Variants in ITPKB observed in about 807,000 individuals in gnomAD.
ITPKB encodes IP3 3-kinase B.
ITPKB carries 13 observed loss-of-function variants against 69.4 expected under a neutral mutation model. The observed-to-expected ratio is 0.19, with a 90% CI of 0.12 to 0.30. The LOEUF (loss-of-function observed/expected upper bound fraction) is 0.30, where lower values mean the gene tolerates loss of function less well. Ranked by LOEUF, ITPKB falls within the 10% of genes least tolerant of loss-of-function variation. The pLI is 1.00. For synonymous variants in ITPKB, 584 were observed against 513.7 expected (o/e 1.14, Z -1.85); for missense variants, 1,240 against 1,250.5 (o/e 0.99, Z 0.13).
At chr1:226,646,102 C>T (rs1170939114) in intron 4 of ITPKB, among the ~76,000 whole-genome samples, 1 of 152,228 alleles carries the variant, frequency 6.6e-6, no homozygotes, top group Non-Finnish European at 1.5e-5. Flanking sequence ...TCCGGTTAAA[C>T]CAGTCACAGT....
intron 2 of ITPKB, among the ~76,000 whole-genome samples, chr1:226,665,474 C>A (rs1185696818): frequency 1.3e-5 from 2 of 152,216 alleles, no homozygotes; most frequent in Non-Finnish European, 2.9e-5. Context: ...AAACACGGGA[C>A]ATGCTTGAAA....
chr1:226,638,752 C>T (rs978114082), intron 6 of ITPKB, among the ~76,000 whole-genome samples: 4 of 152,006 alleles, frequency 2.6e-5, no homozygotes, highest in Non-Finnish European at 5.9e-5. Context: ...AGCGTGACCT[C>T]GGGCACACAA....
In ITPKB at chr1:226,697,560, T is replaced by C. The variant is rs182593916; in HGVS notation, c.1932+37967A>G. On this transcript the variant is annotated intron_variant, in intron 2 of 7. Transcript: ENST00000429204. Reference sequence around the variant, plus strand: ...CGTGATTCTCCAACTCTGCAAACAATAGCTGGCCATTTCTTCTGAGGAATA... The same window carrying C: ...CGTGATTCTCCAACTCTGCAAACAACAGCTGGCCATTTCTTCTGAGGAATA... Among the ~76,000 whole-genome samples the C allele has an allele frequency of 3.3e-5, 5 of 152,268 alleles. No homozygotes were observed. In the East Asian group the frequency reaches 9.6e-4, roughly 29 times the overall value.
At chr1:226,677,995 A>C (rs1655946019) in intron 2 of ITPKB, among the ~76,000 whole-genome samples, 1 of 152,166 alleles carries the variant, frequency 6.6e-6, no homozygotes, top group South Asian at 2.1e-4. Context: ...GTGCTATATC[A>C]AGCTTGTACA....
At chr1:226,711,097 G>C (rs892477285) in intron 2 of ITPKB, among the ~76,000 whole-genome samples, 1 of 152,132 alleles carries the variant, frequency 6.6e-6, no homozygotes, top group African/African-American at 2.4e-5. Context: ...TATTAAGAAA[G>C]AATGAAAACA....
At chr1:226,728,962 T>C (rs1225541021) in intron 2 of ITPKB, among the ~76,000 whole-genome samples, 1 of 152,218 alleles carries the variant, frequency 6.6e-6, no homozygotes, top group Non-Finnish European at 1.5e-5. Flanking sequence ...ATTTCTTTTA[T>C]GGGTAGATAA....
intron 2 of ITPKB, chr1:226,708,025 G>T: frequency 2.1e-6 from 1 of 469,670 alleles, no homozygotes; most frequent in Non-Finnish European, 3.5e-6. Flanking sequence ...GTAAGATGAT[G>T]TAAATGATGT....
chr1:226,736,008 G>A lies in ITPKB; in HGVS notation c.1451C>T (p.Ala484Val). 6.2e-7 allele frequency: 1 copy of A among 1,613,876 alleles called. No individual in the cohort carries two copies. The highest frequency in any genetic ancestry group is 1.1e-5 in the South Asian group (1 of 91,090). Residue 484 changes from alanine (A) to valine (V), a missense_variant, in exon 2 of 8, where the codon GCT becomes GTT. By Grantham distance (64) the Ala-to-Val change is moderately conservative. Around this residue, in one of 2 missense-constraint regions of ITPKB, gnomAD observed 992 missense variants for 853.8 expected, o/e 1.16. Coordinates refer to ENST00000429204, the MANE Select transcript of ITPKB (RefSeq NM_002221.4). ...RMLEPLPCWD[A>V]AKDLKEPQCP... ...CTGAGGTTCTTTCAGATCTTTCGCA[G>A]CGTCCCAACAGGGCAAAGGCTCCAG...
At chr1:226,696,612 C>T (rs925868629) in intron 2 of ITPKB, among the ~76,000 whole-genome samples, 5 of 152,212 alleles carry the variant, frequency 3.3e-5, no homozygotes, top group South Asian at 2.1e-4. Flanking sequence ...TTCTCAGGGT[C>T]CCCTTGGAGA....
chr1:226,647,297 C>A lies in ITPKB; in HGVS notation c.2116G>T (p.Asp706Tyr). 6.2e-7 allele frequency: 1 copy of A among 1,614,222 alleles called. No individual in the cohort carries two copies. The part of the protein sequence containing the change: ...EQRCLDRLMV[D>Y]VLRPFVPAYH... ...GCAGGTACGAAGGGCCTCAGCACAT[C>A]CACCATCAGCCGGTCCAGGCAGCGC... The change falls in exon 4 of 8, where the codon GAT (aspartate) becomes TAT (tyrosine). Residue 706 changes from aspartate (D) to tyrosine (Y), a missense_variant. By Grantham distance (160) the Asp-to-Tyr change is radical. Transcript: ENST00000429204.
intron 2 of ITPKB, among the ~76,000 whole-genome samples, chr1:226,709,553 T>A (rs1028155345): frequency 6.6e-5 from 10 of 152,200 alleles, no homozygotes; most frequent in African/African-American, 2.4e-4. Context: ...TGGAGGGGAC[T>A]AGGGTAGAGG....
At chr1:226,661,272 G>GC (rs1289764042) in intron 2 of ITPKB, among the ~76,000 whole-genome samples, 1 of 152,184 alleles carries the variant, frequency 6.6e-6, no homozygotes, top group Middle Eastern at 3.2e-3. Flanking sequence ...CTGTTCTAGT[G>GC]CCAGTTCAAG....
At chr1:226,701,475 G>T (rs1656636346) in intron 2 of ITPKB, among the ~76,000 whole-genome samples, 1 of 150,948 alleles carries the variant, frequency 6.6e-6, no homozygotes, top group African/African-American at 2.4e-5. Flanking sequence ...GTGGTGGTGG[G>T]CGCCTGTAAT....
chr1:226,677,810 G>A (rs969256121), intron 2 of ITPKB, among the ~76,000 whole-genome samples: 15 of 152,184 alleles, frequency 9.9e-5, no homozygotes, highest in Admixed American at 4.6e-4. Context: ...ATCACAGGGC[G>A]TTCGCCTCCT....
In ITPKB at chr1:226,635,438, C is replaced by T. The variant is rs541437680; in HGVS notation, c.2626-552G>A. The stretch of plus-strand genomic sequence containing the variant: ...ACAGGGTTTCACTATGTTACCCAGG[C>T]TGGTCCCAAACTCCTAAGCTCAAGC... On this transcript the variant is annotated intron_variant, in intron 7 of 7. Coordinates refer to ENST00000429204, the MANE Select transcript of ITPKB (RefSeq NM_002221.4). 4.6e-5 allele frequency among the ~76,000 whole-genome samples: 7 copies of T among 152,288 alleles called. No homozygotes were observed. The East Asian group carries it at 7.7e-4, about 17-fold the overall frequency.
chr1:226,717,589 CT>C (rs974375931), intron 2 of ITPKB, among the ~76,000 whole-genome samples: 2 of 152,154 alleles, frequency 1.3e-5, no homozygotes, highest in Admixed American at 6.5e-5. Context: ...CTTTGTTTTT[CT>C]TTTTATTTCC....
intron 4 of ITPKB, among the ~76,000 whole-genome samples, chr1:226,645,864 C>T (rs1669053023): frequency 6.6e-6 from 1 of 152,168 alleles, no homozygotes; most frequent in South Asian, 2.1e-4. Flanking sequence ...AACAGTGGGG[C>T]CTGTGCTTCT....
At chr1:226,680,907 C>G (rs543836397) in intron 2 of ITPKB, among the ~76,000 whole-genome samples, 58 of 152,314 alleles carry the variant, frequency 3.8e-4, no homozygotes, top group African/African-American at 1.3e-3. Flanking sequence ...AACACACACA[C>G]CCTGTGACTA....
rs147738009 is a variant in ITPKB at position 226,686,229 on chromosome 1, C to T, written c.1933-37458G>A. Among the ~76,000 whole-genome samples, 525 of 152,316 alleles carry T rather than the reference C, an allele frequency of 3.4e-3. 1 individual carries two copies. Among genetic ancestry groups the T allele is most frequent in the Non-Finnish European group, 5.5e-3 (377 of 68,024 alleles). On this transcript the variant is annotated intron_variant, in intron 2 of 7. Coordinates refer to ENST00000429204, the MANE Select transcript of ITPKB (RefSeq NM_002221.4). ...AGGGGGCAAATCACAGAAGCATCTG[C>T]TCTTGAATCAACAGTGAGGCTCTGG... is the stretch of plus-strand genomic sequence containing the variant.
Sources: allele counts gnomAD v4.1 joint callset (sites outside exome capture counted in the v4.1 genomes callset), GRCh38; gene constraint gnomAD v4.1.1; regional missense constraint gnomAD v4.1.1; transcripts MANE v1.5; gene names NCBI Gene and HGNC (gene_info 2026-07-23, HGNC 2026-07-21).